Variants in TEX29 observed in about 807,000 individuals in gnomAD.
TEX29 encodes the protein testis-expressed protein 29.
In TEX29, 26 loss-of-function variants were observed where a neutral mutation model predicts 18.2. That is an observed-to-expected ratio of 1.43 (90% CI 1.04 to 1.98). TEX29 has a LOEUF of 1.98. TEX29 is among the 30% of genes most tolerant of loss of function. TEX29 has a pLI of 0.00. For synonymous variants in TEX29, 83 were observed against 78.5 expected (o/e 1.06, Z -0.31); for missense variants, 177 against 194.2 (o/e 0.91, Z 0.53).
chr13:111,320,870 C>T lies in TEX29; in HGVS notation c.-21C>T, dbSNP rs370498725. 1.2e-5 allele frequency: 20 copies of T among 1,612,992 alleles called. No individual in the cohort carries two copies. The African/African-American group carries it at 2.1e-4, about 17-fold the overall frequency. On this transcript the variant is annotated 5_prime_UTR_variant, in exon 2 of 6. Coordinates refer to ENST00000283547, the MANE Select transcript of TEX29 (RefSeq NM_152324.3). Reference sequence around the variant, plus strand: ...CCTGTTTTCCAGGTGTGCTCGGCCCCTTCATCTGTCAGCTGCAGCAATGGA... The same window carrying T: ...CCTGTTTTCCAGGTGTGCTCGGCCCTTTCATCTGTCAGCTGCAGCAATGGA...
upstream of TEX29, among the ~76,000 whole-genome samples, chr13:111,317,557 G>A (rs1296877343): frequency 6.6e-6 from 1 of 152,166 alleles, no homozygotes; most frequent in Non-Finnish European, 1.5e-5. Context: ...CTTTCTAATG[G>A]GAATACTGGA....
At chr13:111,319,097 A>G (rs1254027838), upstream of TEX29, among the ~76,000 whole-genome samples, 1 of 151,896 alleles carries the variant, frequency 6.6e-6, no homozygotes, top group African/African-American at 2.4e-5. Flanking sequence ...CGACCTCCTC[A>G]CCTTCCAAGG....
At chr13:111,332,440 C>T (rs2093684045) in intron 3 of TEX29, among the ~76,000 whole-genome samples, 1 of 151,642 alleles carries the variant, frequency 6.6e-6, no homozygotes, top group Non-Finnish European at 1.5e-5. Context: ...CTAGTTGATT[C>T]CTTAGGATTT....
At chr13:111,337,782 C>T (rs1047685743) in intron 3 of TEX29, among the ~76,000 whole-genome samples, 1 of 152,138 alleles carries the variant, frequency 6.6e-6, no homozygotes, top group African/African-American at 2.4e-5. Context: ...AGCAGTTTCC[C>T]AGTGTGCTCC....
chr13:111,332,120 C>A (rs1224776514), intron 3 of TEX29, among the ~76,000 whole-genome samples: 17 of 152,124 alleles, frequency 1.1e-4, no homozygotes, highest in Admixed American at 1.1e-3. Context: ...TGTGTTGAAT[C>A]TGTATATAAT....
At chr13:111,318,038 T>A (rs1013226935), upstream of TEX29, among the ~76,000 whole-genome samples, 1 of 152,184 alleles carries the variant, frequency 6.6e-6, no homozygotes, top group African/African-American at 2.4e-5. Flanking sequence ...GGGTTAGGAC[T>A]TCAACATCTC....
intron 3 of TEX29, among the ~76,000 whole-genome samples, chr13:111,338,118 G>A (rs368109333): frequency 0.028 from 2,741 of 97,214 alleles, 28 homozygotes; most frequent in Middle Eastern, 0.12. Context: ...CTCTGCACCT[G>A]CGGCCTTGCT....
intron 3 of TEX29, among the ~76,000 whole-genome samples, chr13:111,329,796 G>C (rs1017317967): frequency 1.3e-5 from 2 of 152,078 alleles, no homozygotes; most frequent in Non-Finnish European, 2.9e-5. Flanking sequence ...AGTGGCTGTC[G>C]CAAGCCACAG....
At chr13:111,335,940 G>A (rs567021185) in intron 3 of TEX29, among the ~76,000 whole-genome samples, 1 of 152,332 alleles carries the variant, frequency 6.6e-6, no homozygotes, top group East Asian at 1.9e-4. Flanking sequence ...GTGCTGGCCT[G>A]TTTGTAAGTG....
intron 3 of TEX29, among the ~76,000 whole-genome samples, chr13:111,338,939 C>T (rs999064785): frequency 1.1e-4 from 17 of 152,232 alleles, no homozygotes; most frequent in Admixed American, 8.5e-4. Flanking sequence ...AATGAGCCGA[C>T]GGAGATCCAG....
At chr13:111,333,748 C>G (rs2093685851) in intron 3 of TEX29, among the ~76,000 whole-genome samples, 1 of 150,720 alleles carries the variant, frequency 6.6e-6, no homozygotes, top group Non-Finnish European at 1.5e-5. Flanking sequence ...AAAGGTGAAG[C>G]AAGACATGTC....
chr13:111,323,839 T>C (rs2093668640), intron 2 of TEX29, among the ~76,000 whole-genome samples: 2 of 152,214 alleles, frequency 1.3e-5, no homozygotes, highest in South Asian at 4.1e-4. Context: ...CTGAACCTGC[T>C]GTGATCCCTG....
At chr13:111,318,730 T>TGGGA (rs936646312), upstream of TEX29, among the ~76,000 whole-genome samples, 3 of 152,236 alleles carry the variant, frequency 2.0e-5, no homozygotes, top group East Asian at 5.8e-4. Flanking sequence ...GCAGTGTCTC[T>TGGGA]GCCTGGGAGC....
intron 3 of TEX29, chr13:111,339,431 T>A (rs965496847): frequency 2.3e-5 from 10 of 438,610 alleles, no homozygotes; most frequent in African/African-American, 8.3e-5. Context: ...CTCCACACAC[T>A]CCCGAGGGTC....
intron 3 of TEX29, 90 bp from the exon 4 acceptor site, chr13:111,339,773 C>T: frequency 7.3e-7 from 1 of 1,376,380 alleles, no homozygotes; most frequent in Admixed American, 1.7e-5. Flanking sequence ...GGAGGGCCCG[C>T]ACCCGACTCT....
chr13:111,325,667 T>C (rs1181904772), intron 2 of TEX29, among the ~76,000 whole-genome samples: 1 of 151,786 alleles, frequency 6.6e-6, no homozygotes, highest in Non-Finnish European at 1.5e-5. Context: ...ATGGCGACAT[T>C]GTGGAGGTGC....
intron 2 of TEX29, among the ~76,000 whole-genome samples, chr13:111,326,093 G>A (rs1171649634): frequency 4.6e-5 from 7 of 152,346 alleles, no homozygotes; most frequent in South Asian, 4.1e-4. Context: ...GCTCCGCTGC[G>A]TCCAAGCTGG....
intron 5 of TEX29, among the ~76,000 whole-genome samples, chr13:111,343,227 T>C (rs74129930): frequency 1.8e-3 from 278 of 152,276 alleles, no homozygotes; most frequent in African/African-American, 6.4e-3. Flanking sequence ...TGTGGGAAGC[T>C]CCTGGGGAGG....
At position 111,321,003 on chromosome 13, in the gene TEX29, G is replaced by A. The variant is rs544613196; in HGVS notation, c.58+55G>A. On this transcript the variant is annotated intron_variant, in intron 2 of 5. Coordinates refer to ENST00000283547, the MANE Select transcript of TEX29 (RefSeq NM_152324.3). ...TGGGGTGGGGGAGCAGTTGGGGGGG[G>A]GCACAGGGAGGAGCTGTTTGAGCCC... 8 of 653,308 alleles carry A rather than the reference G, an allele frequency of 1.2e-5. No homozygotes were observed. In the South Asian group the frequency reaches 1.2e-4, roughly 10 times the overall value. 40.5% of individuals were successfully genotyped at this position (653,308 alleles called of 1,614,324 possible). A position where few individuals can be genotyped will look rare whatever the true frequency, so the allele number is the denominator to read the frequency against.
Sources: allele counts gnomAD v4.1 joint callset (sites outside exome capture counted in the v4.1 genomes callset), GRCh38; gene constraint gnomAD v4.1.1; transcripts MANE v1.5; gene names NCBI Gene and HGNC (gene_info 2026-07-23, HGNC 2026-07-21).